The following MAGI2 variants were observed in gnomAD, a reference collection of about 807,000 sequenced individuals.
MAGI2 encodes the protein membrane-associated guanylate kinase, WW and PDZ domain-containing protein 2.
MAGI2 carries 35 observed loss-of-function variants against 133.3 expected under a neutral mutation model. The observed-to-expected ratio is 0.26, with a 90% CI of 0.20 to 0.35. The LOEUF is 0.35. MAGI2 is among the 10% of genes least tolerant of loss of function. The probability of loss-of-function intolerance (pLI) is 1.00; values close to 1 mark genes in which losing one functional copy is unlikely to be tolerated. For missense variants in MAGI2, 1,636 were observed against 1,863.4 expected (o/e 0.88, Z 2.25); for synonymous variants, 729 against 710.6 (o/e 1.03, Z -0.41).
chr7:79,070,241 T>G (rs1190922169), intron 1 of MAGI2, among the ~76,000 whole-genome samples: 1 of 152,122 alleles, frequency 6.6e-6, no homozygotes, highest in African/African-American at 2.4e-5. Flanking sequence ...TTCAGGTACA[T>G]CAATCAAACG....
At chr7:79,361,355 T>A (rs1234685532) in intron 1 of MAGI2, among the ~76,000 whole-genome samples, 1 of 151,808 alleles carries the variant, frequency 6.6e-6, no homozygotes, top group East Asian at 1.9e-4. Flanking sequence ...AAGAGTGTGG[T>A]CCCTTTAAAT....
intron 14 of MAGI2, among the ~76,000 whole-genome samples, chr7:78,173,962 G>A (rs144062221): frequency 7.2e-5 from 11 of 152,198 alleles, no homozygotes; most frequent in African/African-American, 2.4e-4. Flanking sequence ...ATTAATCGGC[G>A]CTCAACAATT....
intron 12 of MAGI2, among the ~76,000 whole-genome samples, chr7:78,186,736 A>G (rs1018959809): frequency 2.6e-5 from 4 of 152,164 alleles, no homozygotes; most frequent in Admixed American, 2.0e-4. Context: ...TCGAAAACAT[A>G]CTTATTATAT....
At chr7:78,573,052 TATATATATATATATATATATATATACAC>T (rs1801699262) in intron 3 of MAGI2, among the ~76,000 whole-genome samples, 1 of 99,934 alleles carries the variant, frequency 1.0e-5, no homozygotes. Flanking sequence ...TATATATATA[TATATATATATATATATATATATATACAC>T]ACACACACAC....
intron 5 of MAGI2, among the ~76,000 whole-genome samples, chr7:78,497,494 T>C (rs1378222940): frequency 6.6e-6 from 1 of 152,136 alleles, no homozygotes; most frequent in East Asian, 1.9e-4. Flanking sequence ...GCAGAACCTC[T>C]AAAACTTCAC....
intron 2 of MAGI2, among the ~76,000 whole-genome samples, chr7:78,663,072 G>A (rs1033935855): frequency 6.6e-6 from 1 of 151,964 alleles, no homozygotes; most frequent in Non-Finnish European, 1.5e-5. Context: ...AATTTGAATG[G>A]AACTAAATTA....
chr7:78,781,793 A>T (rs1345528124), intron 2 of MAGI2, among the ~76,000 whole-genome samples: 2 of 152,216 alleles, frequency 1.3e-5, no homozygotes, highest in African/African-American at 4.8e-5. Flanking sequence ...AACATCAGAA[A>T]AAACATCCTA....
At chr7:79,184,433 A>G (rs1429512776) in intron 1 of MAGI2, among the ~76,000 whole-genome samples, 1 of 151,464 alleles carries the variant, frequency 6.6e-6, no homozygotes, top group Non-Finnish European at 1.5e-5. Context: ...AAAATAAGAA[A>G]CAATAAAAAT....
intron 2 of MAGI2, among the ~76,000 whole-genome samples, chr7:78,979,158 A>T (rs559071484): frequency 6.6e-6 from 1 of 151,832 alleles, no homozygotes; most frequent in Non-Finnish European, 1.5e-5. Context: ...TTGCTCTGTT[A>T]TGTAACAGGC....
rs150659582 is a variant in MAGI2, at chr7:78,853,752, G to A, written c.418+153338C>T. Among the ~76,000 whole-genome samples the A allele has an allele frequency of 4.7e-4, 72 of 151,980 alleles. No individual in the cohort carries two copies. In the East Asian group the frequency reaches 0.011, roughly 23 times the overall value. ...TGAAAGTAAAAAGTTTACATTAGTC[G>A]TCTGTGCAGGACCTGTGGATCATCA... On this transcript the variant is annotated intron_variant, in intron 2 of 21. Coordinates refer to ENST00000354212, the MANE Select transcript of MAGI2 (RefSeq NM_012301.4).
intron 1 of MAGI2, among the ~76,000 whole-genome samples, chr7:79,257,793 T>G (rs769828767): frequency 6.6e-6 from 1 of 152,210 alleles, no homozygotes; most frequent in African/African-American, 2.4e-5. Context: ...TATGTCACTA[T>G]GCTACTCACG....
At chr7:78,087,725 T>A (rs1816785971) in intron 20 of MAGI2, among the ~76,000 whole-genome samples, 1 of 152,220 alleles carries the variant, frequency 6.6e-6, no homozygotes, top group Admixed American at 6.5e-5. Context: ...TCCATGATTT[T>A]AGATGAAGTT....
At chr7:78,594,521 G>A (rs993445817) in intron 3 of MAGI2, among the ~76,000 whole-genome samples, 2 of 152,208 alleles carry the variant, frequency 1.3e-5, no homozygotes, top group East Asian at 3.9e-4. Context: ...GCAGTGGTGT[G>A]ATCTTGGCTC....
At chr7:79,219,188 C>A (rs545293461) in intron 1 of MAGI2, among the ~76,000 whole-genome samples, 5 of 151,872 alleles carry the variant, frequency 3.3e-5, no homozygotes, top group Admixed American at 2.0e-4. Flanking sequence ...TTATTGCTGC[C>A]AAAAGCAATG....
At chr7:78,202,233 G>T (rs1253778829) in intron 10 of MAGI2, among the ~76,000 whole-genome samples, 2 of 151,928 alleles carry the variant, frequency 1.3e-5, no homozygotes, top group Admixed American at 6.6e-5. Context: ...AATGGGCATA[G>T]TTGACAACTA....
At chr7:79,009,891 C>A (rs1416853018) in intron 1 of MAGI2, among the ~76,000 whole-genome samples, 2 of 151,956 alleles carry the variant, frequency 1.3e-5, no homozygotes, top group African/African-American at 2.4e-5. Flanking sequence ...CTTTACTAAA[C>A]AGCTAAAAAC....
intron 2 of MAGI2, among the ~76,000 whole-genome samples, chr7:78,992,419 A>G (rs1198264275): frequency 1.3e-5 from 2 of 151,974 alleles, no homozygotes; most frequent in Non-Finnish European, 2.9e-5. Flanking sequence ...AAGTTTATAC[A>G]TTTTTAATCT....
intron 1 of MAGI2, among the ~76,000 whole-genome samples, chr7:79,210,452 T>G (rs1829411647): frequency 2.0e-5 from 3 of 152,190 alleles, no homozygotes; most frequent in Middle Eastern, 6.8e-3. Flanking sequence ...TTTCCCAGTC[T>G]CCTCTTTAAA....
intron 3 of MAGI2, among the ~76,000 whole-genome samples, chr7:78,554,972 C>A (rs973407595): frequency 1.3e-5 from 2 of 151,742 alleles, no homozygotes; most frequent in Admixed American, 6.6e-5. Flanking sequence ...ATGGTGAAAC[C>A]TCATGTCTAC....
Sources: gnomAD v4.1 joint callset for allele counts (sites outside exome capture counted in the v4.1 genomes callset) on GRCh38, gnomAD v4.1.1 for gene constraint, MANE v1.5 for transcripts, NCBI Gene and HGNC (gene_info 2026-07-23, HGNC 2026-07-21) for gene names.